The following TGFBR3 variants were observed in gnomAD, a reference collection of about 807,000 sequenced individuals.
TGFBR3 encodes the protein transforming growth factor beta receptor type 3.
TGFBR3 carries 46 observed loss-of-function variants against 87.9 expected under a neutral mutation model. The observed-to-expected ratio is 0.52, with a 90% CI of 0.41 to 0.67. The LOEUF is 0.67. Ranked by LOEUF, TGFBR3 falls within the 30% of genes least tolerant of loss-of-function variation. TGFBR3 has a pLI of 0.00. For missense variants in TGFBR3, 866 were observed against 1,041.9 expected (o/e 0.83, Z 2.32); for synonymous variants, 381 against 391.6 (o/e 0.97, Z 0.32).
intron 2 of TGFBR3, among the ~76,000 whole-genome samples, chr1:91,856,413 TC>T (rs1476349799): frequency 1.3e-5 from 2 of 151,888 alleles, no homozygotes. Flanking sequence ...GACATGGATA[TC>T]CCCCGACCCA....
rs1269297802 is a variant in TGFBR3, at chr1:91,683,265, C to G, written c.*474G>C. On this transcript the variant is annotated 3_prime_UTR_variant, in exon 17 of 17. Coordinates refer to ENST00000212355, the MANE Select transcript of TGFBR3 (RefSeq NM_003243.5). ...GACAGGAGGATCGCTTAGAAAGCCTCAAAGCATTTCTTGTTTTACATCTTG... is the reference window on the plus strand; with the variant it reads ...GACAGGAGGATCGCTTAGAAAGCCTGAAAGCATTTCTTGTTTTACATCTTG... 6.6e-6 allele frequency: 3 copies of G among 455,454 alleles called. No homozygotes were observed. Among genetic ancestry groups the G allele is most frequent in the Non-Finnish European group, 4.4e-6 (1 of 227,484 alleles). The allele number at this position is 455,454 out of a possible 1,614,324, so 28.2% of individuals were successfully genotyped here. A position where few individuals can be genotyped will look rare whatever the true frequency, so the allele number is the denominator to read the frequency against.
intron 3 of TGFBR3, 144 bp from the exon 4 acceptor site, chr1:91,758,894 C>G: frequency 9.5e-7 from 1 of 1,055,730 alleles, no homozygotes; most frequent in Non-Finnish European, 1.4e-6. Context: ...GAATAAGATA[C>G]ATTAAGTTGA....
chr1:91,774,497 T>A (rs1200603134), intron 3 of TGFBR3, among the ~76,000 whole-genome samples: 9 of 152,208 alleles, frequency 5.9e-5, no homozygotes, highest in East Asian at 1.9e-4. Flanking sequence ...AGGTTTTTTT[T>A]ATTGAAATAT....
chr1:91,708,053 C>T (rs189682241), intron 14 of TGFBR3, among the ~76,000 whole-genome samples: 27 of 152,358 alleles, frequency 1.8e-4, no homozygotes, highest in Admixed American at 4.6e-4. Flanking sequence ...AGGGCACAGC[C>T]TTCCTTTTCT....
intron 12 of TGFBR3, among the ~76,000 whole-genome samples, chr1:91,714,158 G>A (rs547040527): frequency 1.8e-4 from 27 of 151,954 alleles, no homozygotes; most frequent in South Asian, 1.3e-3. Flanking sequence ...TCCTGCTCAC[G>A]TGCTGGGCAC....
intron 5 of TGFBR3, among the ~76,000 whole-genome samples, chr1:91,734,072 G>GGGAA (rs1553163117): frequency 6.7e-6 from 1 of 149,550 alleles, no homozygotes; most frequent in Non-Finnish European, 1.5e-5. Flanking sequence ...GAGGGAGGGA[G>GGGAA]GGAGGAAAAG....
chr1:91,736,614 T>A (rs898831707), intron 4 of TGFBR3, among the ~76,000 whole-genome samples: 1 of 152,136 alleles, frequency 6.6e-6, no homozygotes, highest in Admixed American at 6.5e-5. Flanking sequence ...AAAATAACCA[T>A]GCCCACCTAA....
chr1:91,894,529 G>T (rs900980238), intron 2 of TGFBR3, among the ~76,000 whole-genome samples: 2 of 152,160 alleles, frequency 1.3e-5, no homozygotes, highest in African/African-American at 4.8e-5. Context: ...AGGTCACCTT[G>T]TGGCAAGACC....
At chr1:91,892,338 A>C (rs572405115) in intron 2 of TGFBR3, among the ~76,000 whole-genome samples, 1 of 149,064 alleles carries the variant, frequency 6.7e-6, no homozygotes, top group South Asian at 2.1e-4. Flanking sequence ...CCACCTCCAC[A>C]ACACTCTGCA....
intron 13 of TGFBR3, among the ~76,000 whole-genome samples, chr1:91,711,191 C>T (rs1302626543): frequency 2.0e-5 from 3 of 152,206 alleles, no homozygotes; most frequent in East Asian, 3.9e-4. Flanking sequence ...GCATCACCGC[C>T]GCAAAAGCAA....
intron 3 of TGFBR3, among the ~76,000 whole-genome samples, chr1:91,764,317 C>CA (rs200776741): frequency 0.24 from 18,344 of 76,210 alleles, 2,327 homozygotes; most frequent in East Asian, 0.53. Flanking sequence ...ACAAAAGAGA[C>CA]AAAAAAAAAA....
intron 3 of TGFBR3, among the ~76,000 whole-genome samples, chr1:91,759,151 G>A (rs1557696022): frequency 6.6e-6 from 1 of 152,070 alleles, no homozygotes; most frequent in Non-Finnish European, 1.5e-5. Context: ...TTGGGGTGGG[G>A]TCATCCCTCT....
At chr1:91,848,185 C>A (rs1038787787) in intron 2 of TGFBR3, among the ~76,000 whole-genome samples, 4 of 152,202 alleles carry the variant, frequency 2.6e-5, no homozygotes, top group Non-Finnish European at 4.4e-5. Context: ...TTTTATGGCA[C>A]TAAGAAATTG....
intron 1 of TGFBR3, among the ~76,000 whole-genome samples, chr1:91,882,601 C>T (rs1679136918): frequency 1.3e-5 from 2 of 151,868 alleles, no homozygotes; most frequent in African/African-American, 2.4e-5. Flanking sequence ...AAAAATTAGC[C>T]GGGCATGGTG....
intron 2 of TGFBR3, among the ~76,000 whole-genome samples, chr1:91,838,784 T>C (rs1677161891): frequency 6.6e-6 from 1 of 152,234 alleles, no homozygotes; most frequent in Non-Finnish European, 1.5e-5. Context: ...TCTCTTTTCT[T>C]GTTAAATTTC....
intron 3 of TGFBR3, among the ~76,000 whole-genome samples, chr1:91,772,364 T>C (rs547447861): frequency 2.0e-5 from 3 of 152,354 alleles, no homozygotes; most frequent in African/African-American, 7.2e-5. Flanking sequence ...ATCTAAAGGG[T>C]ACCTTTAGAT....
chr1:91,849,901 T>C (rs932690909), intron 2 of TGFBR3, among the ~76,000 whole-genome samples: 8 of 151,592 alleles, frequency 5.3e-5, no homozygotes, highest in African/African-American at 7.3e-5. Flanking sequence ...GCTAACACGG[T>C]GAAACCCCGT....
intron 3 of TGFBR3, among the ~76,000 whole-genome samples, chr1:91,776,415 C>T (rs534271837): frequency 1.3e-5 from 2 of 152,316 alleles, no homozygotes; most frequent in South Asian, 2.1e-4. Context: ...ACTCAGAGTG[C>T]ATGTCAACTC....
intron 3 of TGFBR3, among the ~76,000 whole-genome samples, chr1:91,792,597 G>C (rs1456714176): frequency 6.6e-6 from 1 of 152,162 alleles, no homozygotes; most frequent in Non-Finnish European, 1.5e-5. Flanking sequence ...GTAAAAATTA[G>C]ATGATAGGAA....
Sources: allele counts gnomAD v4.1 joint callset (sites outside exome capture counted in the v4.1 genomes callset), GRCh38; gene constraint gnomAD v4.1.1; transcripts MANE v1.5; gene names NCBI Gene and HGNC (gene_info 2026-07-23, HGNC 2026-07-21).